Variants in THSD7A observed in about 807,000 individuals in gnomAD.
The protein encoded by THSD7A is thrombospondin type 1 domain containing 7A, also known as thrombospondin type-1 domain-containing protein 7A.
A neutral mutation model predicts 231.3 loss-of-function variants in THSD7A; 96 were observed. The observed-to-expected ratio is 0.41, with a 90% CI of 0.35 to 0.49. The LOEUF (loss-of-function observed/expected upper bound fraction) is 0.49. THSD7A is among the 20% of genes least tolerant of loss of function. The pLI is 0.05. For missense variants in THSD7A, 2,290 were observed against 2,070.2 expected (o/e 1.11, Z -2.06); for synonymous variants, 940 against 743.3 (o/e 1.26, Z -4.30).
chr7:11,691,622 CATA>C (rs1300005367), intron 1 of THSD7A, among the ~76,000 whole-genome samples: 3 of 151,276 alleles, frequency 2.0e-5, no homozygotes, highest in Non-Finnish European at 4.4e-5. Context: ...TATATCTATA[CATA>C]ATAACATCTA....
intron 1 of THSD7A, among the ~76,000 whole-genome samples, chr7:11,672,052 G>A (rs1458673773): frequency 1.3e-5 from 2 of 152,178 alleles, no homozygotes; most frequent in Middle Eastern, 3.4e-3. Context: ...TAATTTAAAT[G>A]TTAACTTTTA....
chr7:11,574,660 T>C (rs1037957650), intron 4 of THSD7A, among the ~76,000 whole-genome samples: 2 of 151,536 alleles, frequency 1.3e-5, no homozygotes, highest in African/African-American at 4.9e-5. Context: ...ATGGTCTCGA[T>C]CTCCTGACCT....
intron 2 of THSD7A, among the ~76,000 whole-genome samples, chr7:11,594,859 T>C (rs1281611837): frequency 6.6e-6 from 1 of 152,172 alleles, no homozygotes; most frequent in Non-Finnish European, 1.5e-5. Context: ...ATGCACAGCC[T>C]CACCAGGTGT....
chr7:11,568,993 A>AG (rs1562728423), intron 4 of THSD7A, among the ~76,000 whole-genome samples: 1 of 151,226 alleles, frequency 6.6e-6, no homozygotes. Context: ...CTACAAAAAA[A>AG]AAAACAAACC....
chr7:11,813,737 A>AT (rs1282988863), intron 1 of THSD7A, among the ~76,000 whole-genome samples: 1 of 149,874 alleles, frequency 6.7e-6, no homozygotes, highest in African/African-American at 2.4e-5. Flanking sequence ...AATAATAATA[A>AT]TAATAATAAT....
intron 1 of THSD7A, among the ~76,000 whole-genome samples, chr7:11,777,044 A>C (rs953401265): frequency 6.6e-6 from 1 of 152,144 alleles, no homozygotes; most frequent in Non-Finnish European, 1.5e-5. Context: ...AAAAGATATA[A>C]TTTATCATTT....
chr7:11,728,980 T>C (rs367627810), intron 1 of THSD7A, among the ~76,000 whole-genome samples: 13 of 151,858 alleles, frequency 8.6e-5, no homozygotes, highest in Admixed American at 5.9e-4. Flanking sequence ...ATTTCTACCT[T>C]AAAAATGAAA....
Position 11,601,646 on chromosome 7 carries a change from C to T in THSD7A, c.1023-8144G>A, listed in dbSNP as rs117334484. On this transcript the variant is annotated intron_variant, in intron 2 of 27. Coordinates refer to ENST00000423059, the MANE Select transcript of THSD7A (RefSeq NM_015204.3). ...GACATCTAGGAGAATTTCAACCAGA[C>T]GAGCAATGTGTGATACTACAATAAC... Among the ~76,000 whole-genome samples, 1,344 of 152,224 alleles carry T rather than the reference C, an allele frequency of 8.8e-3. 11 individuals carry two copies. The highest frequency in any genetic ancestry group is 0.014 in the Non-Finnish European group (968 of 68,014).
chr7:11,780,401 C>A (rs1783586216), intron 1 of THSD7A, among the ~76,000 whole-genome samples: 1 of 152,140 alleles, frequency 6.6e-6, no homozygotes, highest in South Asian at 2.1e-4. Flanking sequence ...TCTAGTCTTG[C>A]TTTTGCCTTT....
chr7:11,638,914 T>C (rs979762824), intron 1 of THSD7A, among the ~76,000 whole-genome samples: 2 of 152,310 alleles, frequency 1.3e-5, no homozygotes, highest in East Asian at 3.9e-4. Context: ...ATACTCACTT[T>C]GGGAACCACA....
At chr7:11,458,289 C>T (rs562662203) in intron 11 of THSD7A, among the ~76,000 whole-genome samples, 4 of 152,082 alleles carry the variant, frequency 2.6e-5, no homozygotes, top group African/African-American at 7.2e-5. Flanking sequence ...AAAACAGCCA[C>T]GACCATCAAA....
chr7:11,799,846 T>C (rs1401068303), intron 1 of THSD7A, among the ~76,000 whole-genome samples: 1 of 152,208 alleles, frequency 6.6e-6, no homozygotes, highest in African/African-American at 2.4e-5. Flanking sequence ...AGAGTTTAGG[T>C]CTGCATGTGA....
chr7:11,523,209 A>G (rs1234823723), intron 6 of THSD7A, among the ~76,000 whole-genome samples: 1 of 152,160 alleles, frequency 6.6e-6, no homozygotes, highest in Non-Finnish European at 1.5e-5. Context: ...CAGCAGAGTC[A>G]TAAATAAAAA....
chr7:11,390,142 G>A (rs1299791577), intron 23 of THSD7A, among the ~76,000 whole-genome samples: 1 of 152,138 alleles, frequency 6.6e-6, no homozygotes, highest in Non-Finnish European at 1.5e-5. Context: ...TGTATTTCCT[G>A]AATTTGAATG....
At chr7:11,681,686 C>T (rs920738323) in intron 1 of THSD7A, among the ~76,000 whole-genome samples, 3 of 152,044 alleles carry the variant, frequency 2.0e-5, no homozygotes, top group Non-Finnish European at 4.4e-5. Flanking sequence ...TAGGAAACAT[C>T]GTTCAGGATA....
At chr7:11,754,285 G>A (rs1056694680) in intron 1 of THSD7A, among the ~76,000 whole-genome samples, 1 of 152,004 alleles carries the variant, frequency 6.6e-6, no homozygotes, top group Admixed American at 6.6e-5. Flanking sequence ...AGTAACGGAA[G>A]TGAGAACTCG....
intron 6 of THSD7A, among the ~76,000 whole-genome samples, chr7:11,530,895 C>G: frequency 6.6e-6 from 1 of 152,040 alleles, no homozygotes; most frequent in Admixed American, 6.6e-5. Flanking sequence ...TCTGTAATCC[C>G]AACTACTTGG....
chr7:11,559,863 G>T (rs914381644), intron 4 of THSD7A, among the ~76,000 whole-genome samples: 1 of 152,112 alleles, frequency 6.6e-6, no homozygotes, highest in African/African-American at 2.4e-5. Flanking sequence ...AAGTTGTTTT[G>T]ATCAAAATGT....
At chr7:11,601,007 A>G (rs1183309984) in intron 2 of THSD7A, among the ~76,000 whole-genome samples, 1 of 152,168 alleles carries the variant, frequency 6.6e-6, no homozygotes, top group Non-Finnish European at 1.5e-5. Context: ...ATTGATGCTA[A>G]CCATGAAGCA....
Sources: gnomAD v4.1 joint callset for allele counts (sites outside exome capture counted in the v4.1 genomes callset) on GRCh38, gnomAD v4.1.1 for gene constraint, MANE v1.5 for transcripts, NCBI Gene and HGNC (gene_info 2026-07-23, HGNC 2026-07-21) for gene names.